CLPTM1: variants seen among roughly 807,000 people sequenced by gnomAD.
CLPTM1 encodes the protein CLPTM1 regulator of GABA type A receptor forward trafficking.
CLPTM1 carries 21 observed loss-of-function variants against 77.3 expected under a neutral mutation model. That is an observed-to-expected ratio of 0.27 (90% CI 0.19 to 0.39). The LOEUF is 0.39. CLPTM1 is among the 10% of genes least tolerant of loss of function. The pLI is 1.00. For missense variants in CLPTM1, 642 were observed against 921.2 expected (o/e 0.70, Z 3.92); for synonymous variants, 373 against 381.0 (o/e 0.98, Z 0.24).
At position 44,992,501 on chromosome 19, in the gene CLPTM1, C is replaced by T; in HGVS notation, c.1723+101C>T. The stretch of plus-strand genomic sequence containing the variant: ...GGGTGCCACGGCCCCAGATGGGGTG[C>T]TCAGTCTGAGGGGGCTCGGCCCCGC... On this transcript the variant is annotated intron_variant, in intron 13 of 13. Coordinates refer to ENST00000337392, the MANE Select transcript of CLPTM1 (RefSeq NM_001294.4). This position sits in a 1 kb window ranked among gnomAD's most constrained non-coding sequence, Gnocchi z 7.7. 1.3e-6 allele frequency: 2 copies of T among 1,587,730 alleles called. No individual in the cohort carries two copies. Among genetic ancestry groups the T allele is most frequent in the South Asian group, 1.1e-5 (1 of 89,216 alleles).
intron 7 of CLPTM1, 64 bp downstream of exon 7, chr19:44,986,639 C>T: frequency 6.3e-7 from 1 of 1,577,582 alleles, no homozygotes; most frequent in Non-Finnish European, 8.6e-7. Flanking sequence ...GGTCCATCTC[C>T]TTGTCTTCTC....
chr19:44,966,897 A>T (rs548552382), intron 2 of CLPTM1, among the ~76,000 whole-genome samples: 44 of 151,764 alleles, frequency 2.9e-4, no homozygotes, highest in Non-Finnish European at 5.4e-4. Flanking sequence ...GCTGGAGTGC[A>T]GTGGCGCGAT....
At chr19:44,989,373 GGGCGCAGGCCTCACTT>G (rs1971033070) in intron 9 of CLPTM1, among the ~76,000 whole-genome samples, 1 of 152,160 alleles carries the variant, frequency 6.6e-6, no homozygotes, top group Non-Finnish European at 1.5e-5. Flanking sequence ...ATGCAGCAGG[GGGCGCAGGCCTCACTT>G]GGCACCAGTG....
intron 5 of CLPTM1, among the ~76,000 whole-genome samples, chr19:44,983,849 C>T (rs920706304): frequency 4.6e-5 from 7 of 152,014 alleles, no homozygotes; most frequent in African/African-American, 1.7e-4. Context: ...GTAATCCCAG[C>T]TACTTGAGAG....
rs1971053668 is a variant in CLPTM1, at chr19:44,990,493, C to G, written c.1231C>G (p.Leu411Val). ...GTCATTCGTGGTCCTCCTCTACATC[C>G]TGGACAACGAGACCAACTTCGTGGT... ...FQSFVVLLYI[L>V]DNETNFVVQV... Residue 411 changes from leucine to valine, a missense_variant, in exon 10 of 14, where the codon CTG becomes GTG. This residue lies in a region of CLPTM1 where 521 missense variants were observed against 800.4 expected (regional missense o/e 0.65). Coordinates refer to ENST00000337392, the MANE Select transcript of CLPTM1 (RefSeq NM_001294.4). The surrounding 1 kb of genome is among the most constrained non-coding windows in gnomAD (Gnocchi z 4.8). The G allele has an allele frequency of 1.2e-6, 2 of 1,614,042 alleles. No individual in the cohort carries two copies. Among genetic ancestry groups the G allele is most frequent in the African/African-American group, 1.3e-5 (1 of 74,928 alleles).
In CLPTM1 at chr19:44,967,107, C is replaced by T. The variant is rs544546712; in HGVS notation, c.185+5032C>T. 1.3e-4 allele frequency among the ~76,000 whole-genome samples: 20 copies of T among 152,160 alleles called. No homozygotes were observed. The East Asian group carries it at 3.5e-3, about 27-fold the overall frequency. On this transcript the variant is annotated intron_variant, in intron 2 of 13. Transcript: ENST00000337392. The stretch of plus-strand genomic sequence containing the variant: ...CCACGCACCTCGGGCTCCCAAAGTG[C>T]TGGGATTACAGGCGTGAGCCACCGC...
In CLPTM1 at chr19:44,955,763, GTTCTCAACTCCGCGAT is replaced by G. The variant is rs1970454113; in HGVS notation, c.72+298_72+313del. ...GCAGGCTTGTACCTTGGCGCGCTGG[GTTCTCAACTCCGCGAT>G]TCCATGCTCTGAGGCCGTTCCTAGA... On this transcript the variant is annotated intron_variant, in intron 1 of 13. Coordinates refer to ENST00000337392, the MANE Select transcript of CLPTM1 (RefSeq NM_001294.4). 9.1e-6 allele frequency: 3 copies of G among 330,902 alleles called. No individual in the cohort carries two copies. The Admixed American group carries it at 1.5e-4, about 16-fold the overall frequency. 20.5% of individuals were successfully genotyped at this position (330,902 alleles called of 1,614,324 possible). A position where few individuals can be genotyped will look rare whatever the true frequency, so the allele number is the denominator to read the frequency against.
chr19:44,985,991 G>A (rs1970971319), intron 6 of CLPTM1, among the ~76,000 whole-genome samples: 2 of 152,124 alleles, frequency 1.3e-5, no homozygotes, highest in South Asian at 2.1e-4. Context: ...GTCCTGGGTG[G>A]CGGAATCTCT....
intron 2 of CLPTM1, among the ~76,000 whole-genome samples, chr19:44,964,631 A>T (rs1452622868): frequency 6.6e-6 from 1 of 152,022 alleles, no homozygotes; most frequent in South Asian, 2.1e-4. Flanking sequence ...ATTTTTAAGT[A>T]TGTAGTCCTG....
At chr19:44,956,849 T>C (rs137887827) in intron 1 of CLPTM1, among the ~76,000 whole-genome samples, 11 of 152,260 alleles carry the variant, frequency 7.2e-5, no homozygotes, top group East Asian at 3.9e-4. Context: ...AAGTACAAAT[T>C]CTTTAATAAA....
chr19:44,967,249 G>T lies in CLPTM1; in HGVS notation c.185+5174G>T, dbSNP rs1970647655. 1.3e-5 allele frequency among the ~76,000 whole-genome samples: 2 copies of T among 152,140 alleles called. 1 individual carries two copies. The highest frequency in any genetic ancestry group is 4.1e-4 in the South Asian group (2 of 4,836). On this transcript the variant is annotated intron_variant, in intron 2 of 13. Coordinates refer to ENST00000337392, the MANE Select transcript of CLPTM1 (RefSeq NM_001294.4). ...AGGGAGGATCGCTTGAGCCCAGGAG[G>T]TCAAGGCTGCAATGGGCCGTGATGA...
intron 5 of CLPTM1, among the ~76,000 whole-genome samples, chr19:44,979,468 C>G (rs1970859448): frequency 6.6e-6 from 1 of 152,150 alleles, no homozygotes; most frequent in Non-Finnish European, 1.5e-5. Flanking sequence ...CAGACATTCC[C>G]TGTGGATTTG....
chr19:44,959,608 C>G (rs1363915531), intron 1 of CLPTM1, among the ~76,000 whole-genome samples: 1 of 152,222 alleles, frequency 6.6e-6, no homozygotes. Context: ...CCTGCCTTGG[C>G]CTCCTGAAGT....
In CLPTM1 at chr19:44,992,763, G is replaced by A. The variant is rs1414398289; in HGVS notation, c.1876G>A (p.Ala626Thr). 6.2e-7 allele frequency: 1 copy of A among 1,612,310 alleles called. No individual in the cohort carries two copies. The highest frequency in any genetic ancestry group is 8.5e-7 in the Non-Finnish European group (1 of 1,179,822). Reference protein sequence around the residue: ...TAAGALTPTPAPTTTTATREE... With the variant: ...TAAGALTPTPTPTTTTATREE... ...AGCAGGGGCCCTCACGCCCACACCT[G>A]CACCCACCACGACCACCGCCACCAG... Residue 626 changes from alanine to threonine, a missense_variant, in exon 14 of 14, where the codon GCA (alanine) becomes ACA (threonine). This residue lies in a region of CLPTM1 where 521 missense variants were observed against 800.4 expected (regional missense o/e 0.65). Coordinates refer to ENST00000337392, the MANE Select transcript of CLPTM1 (RefSeq NM_001294.4). The surrounding 1 kb of genome is among the most constrained non-coding windows in gnomAD (Gnocchi z 7.7).
chr19:44,990,371 T>A lies in CLPTM1; in HGVS notation c.1133-24T>A, dbSNP rs374884820. 6.2e-7 allele frequency: 1 copy of A among 1,608,816 alleles called. No individual in the cohort carries two copies. The highest frequency in any genetic ancestry group is 2.2e-5 in the East Asian group (1 of 44,756). On this transcript the variant is annotated intron_variant, in intron 9 of 13. Coordinates refer to ENST00000337392, the MANE Select transcript of CLPTM1 (RefSeq NM_001294.4). The surrounding 1 kb of genome is among the most constrained non-coding windows in gnomAD (Gnocchi z 4.8). ...TCTCAGCACCTCCTCAGCCTCCTGG[T>A]TCCCCCCTACCCCCTGCGCACAGAT... is the stretch of plus-strand genomic sequence containing the variant.
In CLPTM1 at chr19:44,993,250, C is replaced by G; in HGVS notation, c.*353C>G. The G allele has an allele frequency of 2.0e-6, 1 of 504,528 alleles. No individual in the cohort carries two copies. Among genetic ancestry groups the G allele is most frequent in the Non-Finnish European group, 3.8e-6 (1 of 261,964 alleles). The allele number at this position is 504,528 out of a possible 1,614,324, so 31.3% of individuals were successfully genotyped here. On this transcript the variant is annotated 3_prime_UTR_variant, in exon 14 of 14. Transcript: ENST00000337392. ...CCCACGGCCGTTCATCATCTTGTCCCTCGTCCCCCTACCACACTCCCCCTC... is the reference window on the plus strand; with the variant it reads ...CCCACGGCCGTTCATCATCTTGTCCGTCGTCCCCCTACCACACTCCCCCTC...
chr19:44,992,510 AG>A lies in CLPTM1; in HGVS notation c.1724-96del. 1.3e-6 allele frequency: 2 copies of A among 1,589,568 alleles called. No individual in the cohort carries two copies. Among genetic ancestry groups the A allele is most frequent in the African/African-American group, 1.3e-5 (1 of 74,522 alleles). The stretch of plus-strand genomic sequence containing the variant: ...GGCCCCAGATGGGGTGCTCAGTCTG[AG>A]GGGGCTCGGCCCCGCCCTTGCATCA... On this transcript the variant is annotated intron_variant, in intron 13 of 13. Coordinates refer to ENST00000337392, the MANE Select transcript of CLPTM1 (RefSeq NM_001294.4). This position sits in a 1 kb window ranked among gnomAD's most constrained non-coding sequence, Gnocchi z 7.7.
At chr19:44,960,933 G>A (rs7251770) in intron 1 of CLPTM1, among the ~76,000 whole-genome samples, 1,927 of 152,276 alleles carry the variant, frequency 0.013, 39 homozygotes, top group African/African-American at 0.041. Flanking sequence ...AACAGGACTG[G>A]GGAGCTAGCA....
intron 7 of CLPTM1, chr19:44,986,807 C>T (rs11083755): frequency 0.29 from 160,444 of 554,014 alleles, 24,447 homozygotes; most frequent in East Asian, 0.45. Context: ...CAATCAAGTG[C>T]CATCCAGCCC....
Sources: allele counts gnomAD v4.1 joint callset (sites outside exome capture counted in the v4.1 genomes callset), GRCh38; gene constraint gnomAD v4.1.1; regional missense constraint gnomAD v4.1.1; non-coding constraint Gnocchi (gnomAD v3.1); transcripts MANE v1.5; gene names NCBI Gene and HGNC (gene_info 2026-07-23, HGNC 2026-07-21).